The following ZNF140 variants were observed in gnomAD, a reference collection of about 807,000 sequenced individuals.
ZNF140 encodes zinc finger protein 140.
Under a neutral mutation model 12.9 loss-of-function variants are expected in ZNF140, and 13 were observed. The ratio of observed to expected loss-of-function variants is 1.01; its 90% CI spans 0.66 to 1.60. The LOEUF is 1.60. ZNF140 is among the 40% of genes most tolerant of loss of function. The probability of loss-of-function intolerance (pLI) is 0.00; values close to 1 mark genes in which losing one functional copy is unlikely to be tolerated. For synonymous variants in ZNF140, 214 were observed against 186.7 expected (o/e 1.15, Z -1.19); for missense variants, 531 against 548.8 (o/e 0.97, Z 0.32).
intron 4 of ZNF140, among the ~76,000 whole-genome samples, chr12:133,091,113 CAG>C (rs1954864791): frequency 6.7e-6 from 1 of 148,396 alleles, no homozygotes. Flanking sequence ...AGACCTTTTA[CAG>C]GTGTCGGGCT....
At chr12:133,101,535 C>T (rs1264277253) in intron 4 of ZNF140, among the ~76,000 whole-genome samples, 4 of 152,214 alleles carry the variant, frequency 2.6e-5, no homozygotes, top group African/African-American at 9.7e-5. Flanking sequence ...AGCTCCACCT[C>T]CCGGGTTCAC....
At chr12:133,099,561 A>G (rs1490487758) in intron 4 of ZNF140, among the ~76,000 whole-genome samples, 2 of 152,158 alleles carry the variant, frequency 1.3e-5, no homozygotes, top group African/African-American at 4.8e-5. Context: ...AGTGGCTCAC[A>G]CTTGGAATCT....
At chr12:133,104,594 G>A (rs1408779092) in intron 4 of ZNF140, among the ~76,000 whole-genome samples, 1 of 152,010 alleles carries the variant, frequency 6.6e-6, no homozygotes, top group East Asian at 1.9e-4. Flanking sequence ...CTCATGATCT[G>A]CCCGCCTTGG....
intron 4 of ZNF140, among the ~76,000 whole-genome samples, chr12:133,094,984 T>C (rs146851173): frequency 6.6e-6 from 1 of 151,410 alleles, no homozygotes; most frequent in Non-Finnish European, 1.5e-5. Flanking sequence ...GAACTCTGTT[T>C]CTGCCTCTTC....
chr12:133,104,626 C>T (rs1955511050), intron 4 of ZNF140, among the ~76,000 whole-genome samples: 1 of 152,194 alleles, frequency 6.6e-6, no homozygotes, highest in Non-Finnish European at 1.5e-5. Flanking sequence ...GCTGAGATTA[C>T]AGGCGTGAGC....
chr12:133,102,816 A>C (rs1955400665), intron 4 of ZNF140, among the ~76,000 whole-genome samples: 1 of 152,122 alleles, frequency 6.6e-6, no homozygotes, highest in Non-Finnish European at 1.5e-5. Flanking sequence ...GAGTTTCCTC[A>C]AATCCATTTG....
chr12:133,088,348 G>T (rs2137503276), intron 4 of ZNF140, among the ~76,000 whole-genome samples: 1 of 152,320 alleles, frequency 6.6e-6, no homozygotes, highest in Admixed American at 6.5e-5. Context: ...GAATGTCAGA[G>T]AGTTGGAATT....
intron 4 of ZNF140, among the ~76,000 whole-genome samples, chr12:133,085,980 C>G (rs1954663900): frequency 6.6e-6 from 1 of 152,230 alleles, no homozygotes; most frequent in Admixed American, 6.5e-5. Flanking sequence ...GATTGTGCCA[C>G]TGCACTCCAG....
At chr12:133,101,484 AC>A (rs1476470754) in intron 4 of ZNF140, among the ~76,000 whole-genome samples, 2 of 152,026 alleles carry the variant, frequency 1.3e-5, no homozygotes, top group Non-Finnish European at 2.9e-5. Flanking sequence ...TCGCTCTGTC[AC>A]CCAGGCTGGA....
At chr12:133,093,456 C>T (rs620264) in intron 4 of ZNF140, 32,661 of 699,394 alleles carry the variant, frequency 0.047, 2,208 homozygotes, top group African/African-American at 0.15. Flanking sequence ...TAGCTGGGCC[C>T]ATGTCGACGG....
At chr12:133,091,288 A>G (rs1954879667) in intron 4 of ZNF140, among the ~76,000 whole-genome samples, 3 of 150,918 alleles carry the variant, frequency 2.0e-5, no homozygotes, top group South Asian at 4.2e-4. Context: ...GATGACTTTT[A>G]CCAAGTATAC....
chr12:133,096,770 A>G (rs1359741001), intron 4 of ZNF140, among the ~76,000 whole-genome samples: 2 of 152,188 alleles, frequency 1.3e-5, no homozygotes, highest in African/African-American at 4.8e-5. Context: ...ATTTGTTAAG[A>G]TGTGTGTTAT....
intron 4 of ZNF140, among the ~76,000 whole-genome samples, chr12:133,092,897 T>A (rs1408438657): frequency 6.6e-6 from 1 of 151,120 alleles, no homozygotes; most frequent in Non-Finnish European, 1.5e-5. Flanking sequence ...GACTTCTGGG[T>A]CTTTTGATTC....
At chr12:133,081,251 G>T in intron 1 of ZNF140, 22 bp from the exon 2 acceptor site, 1 of 1,429,686 alleles carries the variant, frequency 7.0e-7, no homozygotes, top group Non-Finnish European at 9.6e-7. Flanking sequence ...GTTCGCTCAG[G>T]GCTCCTTTCT....
intron 4 of ZNF140, among the ~76,000 whole-genome samples, chr12:133,085,290 T>C (rs2137490238): frequency 6.6e-6 from 1 of 152,330 alleles, no homozygotes; most frequent in African/African-American, 2.4e-5. Context: ...CCCAAAGTGC[T>C]GGGATTACAG....
Position 133,105,603 on chromosome 12 carries a change from G to A in ZNF140, c.326G>A (p.Ser109Asn). 6.2e-7 allele frequency: 1 copy of A among 1,614,100 alleles called. No homozygotes were observed. The highest frequency in any genetic ancestry group is 8.5e-7 in the Non-Finnish European group (1 of 1,180,020). ...TATTTGATCATGGAAAGAATTCTAAGTCAAGGCCCTGTGTATTCCAGTTTT... is the reference window on the plus strand; with the variant it reads ...TATTTGATCATGGAAAGAATTCTAAATCAAGGCCCTGTGTATTCCAGTTTT... Reference protein sequence around the residue: ...SQYLIMERILSQGPVYSSFKG... With the variant: ...SQYLIMERILNQGPVYSSFKG... The change falls in exon 5 of 5, where the codon AGT becomes AAT. Residue 109 changes from serine (S) to asparagine (N), a missense_variant. Coordinates refer to ENST00000355557, the MANE Select transcript of ZNF140 (RefSeq NM_003440.4).
At chr12:133,105,422 T>C in intron 4 of ZNF140, 88 bp from the exon 5 acceptor site, 1 of 1,384,590 alleles carries the variant, frequency 7.2e-7, no homozygotes, top group South Asian at 1.5e-5. Flanking sequence ...TTTTGAAACT[T>C]CATTCTGTTG....
At chr12:133,098,031 A>G (rs1462285595) in intron 4 of ZNF140, among the ~76,000 whole-genome samples, 1 of 151,990 alleles carries the variant, frequency 6.6e-6, no homozygotes, top group African/African-American at 2.4e-5. Flanking sequence ...ACGGGATTTC[A>G]CCATGTTGGC....
At chr12:133,086,992 A>G (rs1024534283) in intron 4 of ZNF140, among the ~76,000 whole-genome samples, 1 of 152,176 alleles carries the variant, frequency 6.6e-6, no homozygotes, top group African/African-American at 2.4e-5. Flanking sequence ...GCTCAAATCT[A>G]TACAGCCTTA....
Sources: allele counts gnomAD v4.1 joint callset (sites outside exome capture counted in the v4.1 genomes callset), GRCh38; gene constraint gnomAD v4.1.1; transcripts MANE v1.5; gene names NCBI Gene and HGNC (gene_info 2026-07-23, HGNC 2026-07-21).